LINGO2: variants seen among roughly 807,000 people sequenced by gnomAD.
The protein encoded by LINGO2 is leucine rich repeat and Ig domain containing 2.
Under a neutral mutation model 30.6 loss-of-function variants are expected in LINGO2, and 14 were observed. That is an observed-to-expected ratio of 0.46 (90% CI 0.30 to 0.72). LINGO2 has a LOEUF of 0.72. LINGO2 is among the 30% of genes least tolerant of loss of function. The pLI, the probability that LINGO2 is intolerant of heterozygous loss-of-function variation, is 0.07. For synonymous variants in LINGO2, 317 were observed against 288.5 expected (o/e 1.10, Z -1.00); for missense variants, 729 against 751.7 (o/e 0.97, Z 0.35).
the LINGO2 span, among the ~76,000 whole-genome samples, chr9:28,717,884 A>C: frequency 6.6e-6 from 1 of 151,996 alleles, no homozygotes; most frequent in East Asian, 1.9e-4. Context: ...AATATATCCT[A>C]TTACCTAATT....
At chr9:28,833,190 C>T in the LINGO2 span, among the ~76,000 whole-genome samples, 4 of 152,300 alleles carry the variant, frequency 2.6e-5, no homozygotes, top group South Asian at 8.3e-4. Flanking sequence ...AGGCACATGA[C>T]TTAGGGTGGC....
chr9:28,490,514 A>T (rs1003075245), intron 1 of LINGO2, among the ~76,000 whole-genome samples: 19 of 152,204 alleles, frequency 1.2e-4, no homozygotes, highest in African/African-American at 4.6e-4. Context: ...AGAGTCATAA[A>T]TACAGTGAGT....
At chr9:27,953,062 C>G (rs1324725007) in intron 5 of LINGO2, among the ~76,000 whole-genome samples, 1 of 151,806 alleles carries the variant, frequency 6.6e-6, no homozygotes, top group Non-Finnish European at 1.5e-5. Context: ...GGGTGATTAG[C>G]TATTAGTAAG....
At chr9:28,235,572 G>A (rs1252049796) in intron 4 of LINGO2, among the ~76,000 whole-genome samples, 2 of 152,084 alleles carry the variant, frequency 1.3e-5, no homozygotes, top group Non-Finnish European at 2.9e-5. Flanking sequence ...GCTGCTTTAA[G>A]GAAACTCAAA....
intron 1 of LINGO2, among the ~76,000 whole-genome samples, chr9:28,555,081 A>C (rs1305107069): frequency 2.2e-5 from 3 of 136,542 alleles, no homozygotes; most frequent in African/African-American, 9.3e-5. Flanking sequence ...ATCACAATTA[A>C]AAGAACTAGA....
intron 4 of LINGO2, among the ~76,000 whole-genome samples, chr9:28,235,810 T>C (rs1232712906): frequency 6.6e-6 from 1 of 151,986 alleles, no homozygotes; most frequent in Non-Finnish European, 1.5e-5. Flanking sequence ...AAAAAGTCAA[T>C]GAAGCACACC....
At chr9:28,145,924 G>C (rs1827800416) in intron 4 of LINGO2, among the ~76,000 whole-genome samples, 1 of 152,052 alleles carries the variant, frequency 6.6e-6, no homozygotes, top group African/African-American at 2.4e-5. Flanking sequence ...GGCTACCCAG[G>C]CCTCAGGCTC....
chr9:29,024,186 C>T, the LINGO2 span, among the ~76,000 whole-genome samples: 147 of 152,084 alleles, frequency 9.7e-4, no homozygotes, highest in African/African-American at 3.3e-3. Flanking sequence ...TATAAATTTT[C>T]GTTATATCAC....
rs890952107 is a variant in LINGO2, at chr9:28,281,343, A to C, written c.-87+13865T>G. ...AGTGTAATTCATTTCTAAAGTAATA[A>C]AGAGGAGAAAGAAGTTGCATATCAT... On this transcript the variant is annotated intron_variant, in intron 4 of 5. Transcript: ENST00000379992. 3.3e-5 allele frequency among the ~76,000 whole-genome samples: 5 copies of C among 152,232 alleles called. No homozygotes were observed. In the East Asian group the frequency reaches 7.7e-4, roughly 23 times the overall value.
chr9:28,732,553 AAAG>A, the LINGO2 span, among the ~76,000 whole-genome samples: 4 of 152,122 alleles, frequency 2.6e-5, no homozygotes, highest in African/African-American at 9.7e-5. Flanking sequence ...TTTTTTCTTT[AAAG>A]AAGGAGAACA....
chr9:28,264,538 C>T (rs1465829265), intron 4 of LINGO2, among the ~76,000 whole-genome samples: 1 of 151,954 alleles, frequency 6.6e-6, no homozygotes, highest in Admixed American at 6.6e-5. Context: ...GCTAGTCATT[C>T]AGCCCATGTT....
At chr9:28,773,815 C>T in the LINGO2 span, among the ~76,000 whole-genome samples, 11 of 152,048 alleles carry the variant, frequency 7.2e-5, no homozygotes, top group Non-Finnish European at 2.9e-5. Context: ...ATAAAAACTC[C>T]TTTAAATGTG....
the LINGO2 span, among the ~76,000 whole-genome samples, chr9:29,114,458 T>C: frequency 2.7e-5 from 4 of 150,794 alleles, no homozygotes; most frequent in East Asian, 7.8e-4. Flanking sequence ...AATGCACAGG[T>C]TTGTTACATA....
chr9:28,518,741 G>C (rs1055356063), intron 1 of LINGO2, among the ~76,000 whole-genome samples: 20 of 152,254 alleles, frequency 1.3e-4, no homozygotes, highest in African/African-American at 4.8e-4. Context: ...AAGTATATAA[G>C]TGATTGACAA....
chr9:28,331,231 C>T (rs1158314514), intron 3 of LINGO2, among the ~76,000 whole-genome samples: 2 of 151,926 alleles, frequency 1.3e-5, no homozygotes, highest in East Asian at 1.9e-4. Context: ...TTAGTTCAGT[C>T]TCATAATTTG....
At chr9:28,332,958 T>A (rs1332739134) in intron 3 of LINGO2, among the ~76,000 whole-genome samples, 1 of 152,188 alleles carries the variant, frequency 6.6e-6, no homozygotes, top group Admixed American at 6.5e-5. Flanking sequence ...GTAAACATCC[T>A]CACTCCTCAA....
chr9:28,200,740 C>A (rs1316363292), intron 4 of LINGO2, among the ~76,000 whole-genome samples: 1 of 152,124 alleles, frequency 6.6e-6, no homozygotes, highest in African/African-American at 2.4e-5. Context: ...ACCCTCCAGT[C>A]ATCTATGTCT....
the LINGO2 span, among the ~76,000 whole-genome samples, chr9:29,171,518 C>A: frequency 7.9e-5 from 12 of 151,762 alleles, no homozygotes; most frequent in Admixed American, 5.9e-4. Context: ...CTCAAATATT[C>A]TCATATTTGC....
intron 3 of LINGO2, among the ~76,000 whole-genome samples, chr9:28,321,240 G>A (rs1326101014): frequency 6.6e-6 from 1 of 152,004 alleles, no homozygotes; most frequent in African/African-American, 2.4e-5. Flanking sequence ...TGAAATTCAA[G>A]AATCAAGAAG....
Sources: gnomAD v4.1 joint callset for allele counts (sites outside exome capture counted in the v4.1 genomes callset) on GRCh38, gnomAD v4.1.1 for gene constraint, MANE v1.5 for transcripts, NCBI Gene and HGNC (gene_info 2026-07-23, HGNC 2026-07-21) for gene names.